The following CLYBL variants were observed in gnomAD, a reference collection of about 807,000 sequenced individuals.
CLYBL encodes the protein citramalyl-CoA lyase.
Under a neutral mutation model 38.9 loss-of-function variants are expected in CLYBL, and 31 were observed. That is an observed-to-expected ratio of 0.80 (90% CI 0.60 to 1.08). The LOEUF (loss-of-function observed/expected upper bound fraction) is 1.08, where lower values mean the gene tolerates loss of function less well. CLYBL is among the 50% of genes least tolerant of loss of function. The pLI is 0.00. For synonymous variants in CLYBL, 171 were observed against 158.6 expected, an observed-to-expected ratio of 1.08 and a Z score of -0.59; for missense variants, 434 against 411.6, an observed-to-expected ratio of 1.05 and a Z score of -0.47.
chr13:99,790,645 T>A (rs1036812133), intron 2 of CLYBL, among the ~76,000 whole-genome samples: 2 of 152,222 alleles, frequency 1.3e-5, no homozygotes, highest in African/African-American at 4.8e-5. Flanking sequence ...TCATGACTAA[T>A]TGTCTGAATC....
At chr13:99,704,752 G>A (rs1393469813) in intron 1 of CLYBL, among the ~76,000 whole-genome samples, 1 of 152,180 alleles carries the variant, frequency 6.6e-6, no homozygotes, top group Non-Finnish European at 1.5e-5. Flanking sequence ...GGAAGTAGCA[G>A]GTGATGGTAG....
chr13:99,832,275 G>A (rs549801333), intron 2 of CLYBL, among the ~76,000 whole-genome samples: 1 of 152,260 alleles, frequency 6.6e-6, no homozygotes, highest in African/African-American at 2.4e-5. Context: ...TGGCAGCTTT[G>A]CATTTCCATG....
At chr13:99,734,308 A>G (rs1480030119) in intron 1 of CLYBL, among the ~76,000 whole-genome samples, 2 of 152,182 alleles carry the variant, frequency 1.3e-5, no homozygotes, top group African/African-American at 4.8e-5. Context: ...TACTTGCTGT[A>G]CTTCAAAACA....
downstream of CLYBL, chr13:99,893,587 C>A (rs1322175394): frequency 6.6e-6 from 1 of 152,400 alleles, no homozygotes; most frequent in Non-Finnish European, 1.5e-5. Context: ...ATCTAACTAA[C>A]CTTCCCATCC....
chr13:99,898,938 C>T (rs1272821911), downstream of CLYBL, among the ~76,000 whole-genome samples: 1 of 152,234 alleles, frequency 6.6e-6, no homozygotes, highest in East Asian at 1.9e-4. Flanking sequence ...TCTCGCCTCT[C>T]ATCCCCAGCA....
intron 2 of CLYBL, among the ~76,000 whole-genome samples, chr13:99,839,157 C>A (rs376552032): frequency 3.5e-4 from 54 of 152,348 alleles, no homozygotes; most frequent in African/African-American, 1.3e-3. Flanking sequence ...GGCATAGCAT[C>A]TGGAAGAGCA....
chr13:99,748,429 GTTTTTTTTTTT>G (rs1165919560), intron 1 of CLYBL, among the ~76,000 whole-genome samples: 9 of 87,686 alleles, frequency 1.0e-4, no homozygotes, highest in African/African-American at 3.7e-4. Context: ...CTAGTTTTGT[GTTTTTTTTTTT>G]TTTTTTTTTT....
At chr13:99,680,100 A>T (rs1332871845) in intron 1 of CLYBL, among the ~76,000 whole-genome samples, 1 of 152,196 alleles carries the variant, frequency 6.6e-6, no homozygotes, top group Non-Finnish European at 1.5e-5. Flanking sequence ...GGGAAGTGTC[A>T]GTTTAAAGTT....
chr13:99,880,215 A>G (rs1425800681), intron 7 of CLYBL, among the ~76,000 whole-genome samples: 1 of 151,630 alleles, frequency 6.6e-6, no homozygotes, highest in African/African-American at 2.4e-5. Context: ...TTACAGGCGC[A>G]TGCCACTATG....
At chr13:99,620,907 C>G (rs1419805565) in intron 1 of CLYBL, among the ~76,000 whole-genome samples, 1 of 152,116 alleles carries the variant, frequency 6.6e-6, no homozygotes, top group Non-Finnish European at 1.5e-5. Flanking sequence ...GTCAGCCAGT[C>G]AAGAGAATTT....
At chr13:99,870,786 G>C in intron 6 of CLYBL, 152 bp from the exon 7 acceptor site, 1 of 672,314 alleles carries the variant, frequency 1.5e-6, no homozygotes. Flanking sequence ...TGCAGGTTTT[G>C]TTTGTTTTGT....
At chr13:99,684,425 C>T (rs898092983) in intron 1 of CLYBL, among the ~76,000 whole-genome samples, 1 of 151,992 alleles carries the variant, frequency 6.6e-6, no homozygotes, top group African/African-American at 2.4e-5. Flanking sequence ...TGTTGTTGAC[C>T]TGAAAGTTAT....
intron 2 of CLYBL, among the ~76,000 whole-genome samples, chr13:99,848,013 A>C (rs1346614606): frequency 1.3e-5 from 2 of 152,030 alleles, no homozygotes; most frequent in Non-Finnish European, 2.9e-5. Flanking sequence ...CCCTCCCTCC[A>C]TAGCCTCATA....
intron 2 of CLYBL, among the ~76,000 whole-genome samples, chr13:99,781,088 A>C (rs995757180): frequency 2.5e-4 from 37 of 150,634 alleles, no homozygotes; most frequent in African/African-American, 9.0e-4. Context: ...ATGTTTTCCC[A>C]CCTGTTTCAT....
chr13:99,729,846 G>A (rs1053839121), intron 1 of CLYBL, among the ~76,000 whole-genome samples: 4 of 150,134 alleles, frequency 2.7e-5, no homozygotes, highest in African/African-American at 9.7e-5. Flanking sequence ...TGTGGCAGTG[G>A]GGCCCTTCCC....
At chr13:99,672,481 A>C (rs11840467) in intron 1 of CLYBL, among the ~76,000 whole-genome samples, 1 of 152,048 alleles carries the variant, frequency 6.6e-6, no homozygotes, top group Admixed American at 6.5e-5. Context: ...TCTATAATAA[A>C]TATTATACAG....
At chr13:99,734,785 A>G (rs529854712) in intron 1 of CLYBL, among the ~76,000 whole-genome samples, 2 of 152,328 alleles carry the variant, frequency 1.3e-5, no homozygotes, top group East Asian at 3.9e-4. Context: ...ATTCGATGAT[A>G]GGGAACATTA....
chr13:99,632,006 G>T (rs2046953286), intron 1 of CLYBL, among the ~76,000 whole-genome samples: 1 of 152,154 alleles, frequency 6.6e-6, no homozygotes, highest in African/African-American at 2.4e-5. Flanking sequence ...CGGTGGATAA[G>T]GTTTGCAGGT....
At chr13:99,891,250 G>C in intron 7 of CLYBL, 68 bp from the exon 8 acceptor site, 1 of 1,134,642 alleles carries the variant, frequency 8.8e-7, no homozygotes, top group Non-Finnish European at 1.3e-6. Flanking sequence ...TGTTGCACAA[G>C]TGTGCACAGA....
Sources: gnomAD v4.1 joint callset for allele counts (sites outside exome capture counted in the v4.1 genomes callset) on GRCh38, gnomAD v4.1.1 for gene constraint, MANE v1.5 for transcripts, NCBI Gene and HGNC (gene_info 2026-07-23, HGNC 2026-07-21) for gene names.